The following MED6 variants were observed in gnomAD, a reference collection of about 807,000 sequenced individuals.
The protein encoded by MED6 is mediator of RNA polymerase II transcription subunit 6.
MED6 carries 33 observed loss-of-function variants against 37.5 expected under a neutral mutation model. The ratio of observed to expected loss-of-function variants is 0.88; its 90% CI spans 0.67 to 1.18. MED6 has a LOEUF of 1.18. Among genes scored for constraint, MED6 ranks in the 50% most tolerant of loss-of-function variants. The probability of loss-of-function intolerance (pLI) is 0.00; values close to 1 mark genes in which losing one functional copy is unlikely to be tolerated. For synonymous variants in MED6, 94 were observed against 93.6 expected (o/e 1.00, Z -0.02); for missense variants, 235 against 290.6 (o/e 0.81, Z 1.39).
chr14:70,597,505 TCCA>T, intron 2 of MED6, 110 bp downstream of exon 2: 4 of 938,720 alleles, frequency 4.3e-6, no homozygotes, highest in Non-Finnish European at 5.8e-6. Context: ...CAAACAAAAC[TCCA>T]GTTTTTCTTC....
At chr14:70,587,922 C>G (rs1190724817) in intron 6 of MED6, among the ~76,000 whole-genome samples, 1 of 152,222 alleles carries the variant, frequency 6.6e-6, no homozygotes, top group Non-Finnish European at 1.5e-5. Flanking sequence ...TTCAAAGAAG[C>G]AGACAGGACT....
chr14:70,591,369 G>C lies in MED6; in HGVS notation c.479C>G (p.Pro160Arg), dbSNP rs1353415315. The change falls in exon 6 of 8, where the codon CCT (proline) becomes CGT (arginine). Residue 160 changes from proline (P) to arginine (R), a missense_variant. Physicochemically the swap from Pro to Arg is moderately radical, Grantham distance 103. Transcript: ENST00000256379. ...TGGTTCTTCTTTCCTTTTGGCTTTA[G>C]GTCTGACTTTATCTATTAAAATACG... ...KDHEEQDKVR[P>R]KAKRKEEPSS... 1 of 1,603,860 alleles carries C rather than the reference G, an allele frequency of 6.2e-7. No individual in the cohort carries two copies.
Position 70,592,941 on chromosome 14 carries a change from T to C in MED6, c.405A>G (p.Ser135=), listed in dbSNP as rs1884927361. The C allele has an allele frequency of 1.9e-6, 3 of 1,613,794 alleles. No individual in the cohort carries two copies. In the African/African-American group the frequency reaches 4.0e-5, roughly 22 times the overall value. ...CTTTGGAAGGATGATATCGACAGTA[T>C]GACATAGCTTCATCAAAAGCTGACT... ...GIQSAFDEAM[S]YCRYHPSKGY... is the part of the protein sequence containing the mutation. The change falls in exon 5 of 8, where the codon TCA becomes TCG. Residue 135 remains serine, a synonymous_variant. Coordinates refer to ENST00000256379, the MANE Select transcript of MED6 (RefSeq NM_005466.4).
At chr14:70,597,470 C>A in intron 2 of MED6, 148 bp downstream of exon 2, 1 of 487,602 alleles carries the variant, frequency 2.1e-6, no homozygotes, top group Non-Finnish European at 3.3e-6. Flanking sequence ...TAATAGTTAC[C>A]CTGCATGTCA....
At chr14:70,598,245 C>T (rs1001496849) in intron 1 of MED6, among the ~76,000 whole-genome samples, 1 of 151,854 alleles carries the variant, frequency 6.6e-6, no homozygotes, top group Non-Finnish European at 1.5e-5. Flanking sequence ...TGTGGTGAGA[C>T]GAGATCACAC....
At chr14:70,594,122 T>C (rs1007971616) in intron 3 of MED6, among the ~76,000 whole-genome samples, 8 of 152,164 alleles carry the variant, frequency 5.3e-5, no homozygotes, top group Admixed American at 3.3e-4. Flanking sequence ...AGTTAAAGAT[T>C]GTCCATAAAT....
At position 70,592,881 on chromosome 14, in the gene MED6, T is replaced by G; in HGVS notation, c.465A>C (p.Gln155His). 6.2e-7 allele frequency: 1 copy of G among 1,613,692 alleles called. No homozygotes were observed. The highest frequency in any genetic ancestry group is 1.3e-5 in the African/African-American group (1 of 75,022). Reference protein sequence around the residue: ...YWWHFKDHEEQDKVRPKAKRK... With the variant: ...YWWHFKDHEEHDKVRPKAKRK... ...GGAGGGTATGGATGTTCTACTTACC[T>G]TGCTCTTCATGATCTTTGAAGTGCC... The change falls in exon 5 of 8, where the codon CAA becomes CAC. Residue 155 changes from glutamine to histidine, a missense_variant and splice_region_variant. Gln to His is a conservative substitution (Grantham distance 24). Transcript: ENST00000256379.
At chr14:70,595,080 G>C (rs768849463) in intron 3 of MED6, 77 of 542,778 alleles carry the variant, frequency 1.4e-4, no homozygotes, top group Non-Finnish European at 2.6e-4. Flanking sequence ...CCATGTATCA[G>C]TCTGTGGAGA....
chr14:70,598,438 G>A (rs755577986), intron 1 of MED6, among the ~76,000 whole-genome samples: 5 of 152,078 alleles, frequency 3.3e-5, no homozygotes, highest in Non-Finnish European at 5.9e-5. Context: ...TCGCGCCACT[G>A]CACTCCAGCC....
At chr14:70,596,725 C>T in intron 2 of MED6, 23 bp from the exon 3 acceptor site, 1 of 1,542,574 alleles carries the variant, frequency 6.5e-7, no homozygotes, top group South Asian at 1.1e-5. Context: ...CACAGACATC[C>T]AAAGATCTAT....
At chr14:70,586,584 C>A (rs574023793) in intron 6 of MED6, among the ~76,000 whole-genome samples, 2 of 152,186 alleles carry the variant, frequency 1.3e-5, no homozygotes, top group South Asian at 4.1e-4. Context: ...TACCTTATTA[C>A]TTCCATATCA....
intron 5 of MED6, 128 bp downstream of exon 5, chr14:70,592,752 A>G (rs932511257): frequency 6.0e-6 from 6 of 997,608 alleles, no homozygotes; most frequent in Non-Finnish European, 8.8e-6. Context: ...CTCAGCTGCA[A>G]CAAAGCCATC....
intron 1 of MED6, among the ~76,000 whole-genome samples, chr14:70,599,319 C>G (rs1885136522): frequency 6.6e-6 from 1 of 152,092 alleles, no homozygotes; most frequent in African/African-American, 2.4e-5. Flanking sequence ...TTAGTATAGA[C>G]CATTTAGATA....
intron 3 of MED6, chr14:70,596,152 G>A: frequency 5.6e-6 from 1 of 178,434 alleles, no homozygotes; most frequent in Non-Finnish European, 1.2e-5. Flanking sequence ...GTAGACACCA[G>A]ATTTCTTTTG....
At chr14:70,585,560 T>A (rs1884680300) in intron 7 of MED6, among the ~76,000 whole-genome samples, 196 bp downstream of exon 7, 4 of 138,774 alleles carry the variant, frequency 2.9e-5, no homozygotes, top group Admixed American at 2.7e-4. Context: ...TGAGACTTTT[T>A]TTTTTTTTTC....
Position 70,584,205 on chromosome 14 carries a change from G to A in MED6, c.*608C>T, listed in dbSNP as rs1266466590. Reference sequence around the variant, plus strand: ...TTCAAAGTGCATCTGAAAAATATCAGTTATGATGAAGAAAAAAGTCATGAT... The same window carrying A: ...TTCAAAGTGCATCTGAAAAATATCAATTATGATGAAGAAAAAAGTCATGAT... On this transcript the variant is annotated 3_prime_UTR_variant, in exon 8 of 8. Coordinates refer to ENST00000256379, the MANE Select transcript of MED6 (RefSeq NM_005466.4). 2.7e-6 allele frequency: 2 copies of A among 746,144 alleles called. No homozygotes were observed. Among genetic ancestry groups the A allele is most frequent in the South Asian group, 1.4e-5 (1 of 71,606 alleles). 46.2% of individuals were successfully genotyped at this position (746,144 alleles called of 1,614,324 possible).
At position 70,584,699 on chromosome 14, in the gene MED6, G is replaced by A. The variant is rs1055880919; in HGVS notation, c.*114C>T. ...CCTAATATCCTTTCAAAAAATAAGC[G>A]CATTCCATACAAATAAGAAGGTTAC... On this transcript the variant is annotated 3_prime_UTR_variant, in exon 8 of 8. Transcript: ENST00000256379. The A allele has an allele frequency of 4.2e-5, 56 of 1,327,522 alleles. No individual in the cohort carries two copies. The highest frequency in any genetic ancestry group is 3.7e-4 in the African/African-American group (25 of 66,884). The allele number at this position is 1,327,522 out of a possible 1,614,324, so 82.2% of individuals were successfully genotyped here.
chr14:70,600,547 A>G (rs1046829891), intron 1 of MED6, 69 bp downstream of exon 1: 2 of 1,580,360 alleles, frequency 1.3e-6, no homozygotes, highest in African/African-American at 2.7e-5. Flanking sequence ...AAACCTTGAA[A>G]CCGCGAGCTA....
At chr14:70,595,689 G>C (rs1300452822) in intron 3 of MED6, 19 of 877,538 alleles carry the variant, frequency 2.2e-5, no homozygotes, top group Non-Finnish European at 3.2e-5. Context: ...CCGCCTGCTG[G>C]AAGACAGCCA....
Sources: gnomAD v4.1 joint callset for allele counts (sites outside exome capture counted in the v4.1 genomes callset) on GRCh38, gnomAD v4.1.1 for gene constraint, MANE v1.5 for transcripts, NCBI Gene and HGNC (gene_info 2026-07-23, HGNC 2026-07-21) for gene names.